Variants in PCBP2 observed in about 807,000 individuals in gnomAD.
PCBP2 encodes poly(rC)-binding protein 2.
Under a neutral mutation model 50.1 loss-of-function variants are expected in PCBP2, and 4 were observed. The observed-to-expected ratio is 0.08, with a 90% CI of 0.04 to 0.18. The LOEUF (loss-of-function observed/expected upper bound fraction) is 0.18. PCBP2 is among the 10% of genes least tolerant of loss of function. The pLI is 1.00. For missense variants in PCBP2, 161 were observed against 474.3 expected, an observed-to-expected ratio of 0.34 and a Z score of 6.14; for synonymous variants, 179 against 168.0, an observed-to-expected ratio of 1.07 and a Z score of -0.51.
intron 13 of PCBP2, among the ~76,000 whole-genome samples, chr12:53,469,264 A>G (rs1007945244): frequency 2.0e-5 from 3 of 151,908 alleles, no homozygotes; most frequent in Non-Finnish European, 2.9e-5. Flanking sequence ...TTTTATCTTT[A>G]TTTTTGTTTT....
At chr12:53,458,930 G>A (rs1189113291) in intron 5 of PCBP2, among the ~76,000 whole-genome samples, 3 of 152,116 alleles carry the variant, frequency 2.0e-5, no homozygotes, top group South Asian at 2.1e-4. Flanking sequence ...TTGAGCTACC[G>A]TGCCTGGCAG....
chr12:53,473,982 C>T (rs897316010), intron 14 of PCBP2, among the ~76,000 whole-genome samples: 1 of 152,066 alleles, frequency 6.6e-6, no homozygotes, highest in Admixed American at 6.5e-5. Context: ...GAAGACTTAG[C>T]GTTGTGGGCT....
At chr12:53,472,204 G>A (rs1942292724) in intron 14 of PCBP2, among the ~76,000 whole-genome samples, 2 of 152,118 alleles carry the variant, frequency 1.3e-5, no homozygotes, top group African/African-American at 4.8e-5. Context: ...TTGTAATAAG[G>A]ACATTGGAGT....
intron 12 of PCBP2, 107 bp downstream of exon 12, chr12:53,467,950 C>G: frequency 2.2e-6 from 2 of 905,682 alleles, no homozygotes; most frequent in South Asian, 2.7e-5. Context: ...ATGCACATGG[C>G]AGAGAGGAGC....
chr12:53,468,913 T>TGAA, intron 13 of PCBP2, 81 bp downstream of exon 13: 2 of 799,710 alleles, frequency 2.5e-6, no homozygotes, highest in Non-Finnish European at 3.7e-6. Flanking sequence ...AGTGTCCTGC[T>TGAA]ACCCTTTTTT....
chr12:53,470,398 A>AT (rs1942133163), intron 13 of PCBP2, among the ~76,000 whole-genome samples: 2 of 139,656 alleles, frequency 1.4e-5, no homozygotes, highest in East Asian at 4.0e-4. Flanking sequence ...AAAAAAAAAA[A>AT]AAAAGTGTAG....
At chr12:53,468,104 G>T in intron 12 of PCBP2, 1 of 438,378 alleles carries the variant, frequency 2.3e-6, no homozygotes, top group Non-Finnish European at 4.0e-6. Flanking sequence ...GTTCAGTCCA[G>T]GTGTTGTTAA....
Position 53,480,625 on chromosome 12 carries a change from T to C in PCBP2, c.*1183T>C, listed in dbSNP as rs1942986808. On this transcript the variant is annotated 3_prime_UTR_variant, in exon 15 of 15. Coordinates refer to ENST00000546463, the MANE Select transcript of PCBP2 (RefSeq NM_031989.5). ...CGGTTCTTCAGCCTGAGCCATCACA[T>C]GCTATCAGTCTCCTAACCTCCCCCT... 1 of 152,524 alleles carries C rather than the reference T, an allele frequency of 6.6e-6. No homozygotes were observed. The highest frequency in any genetic ancestry group is 1.5e-5 in the Non-Finnish European group (1 of 68,054). The allele number at this position is 152,524 out of a possible 1,614,324, so 9.4% of individuals were successfully genotyped here.
chr12:53,456,606 C>G (rs1023473483), intron 5 of PCBP2, among the ~76,000 whole-genome samples: 7 of 152,146 alleles, frequency 4.6e-5, no homozygotes, highest in African/African-American at 1.2e-4. Context: ...TATGGTTTAC[C>G]TGACGTTATA....
At chr12:53,473,556 G>A (rs1217052360) in intron 14 of PCBP2, among the ~76,000 whole-genome samples, 2 of 152,180 alleles carry the variant, frequency 1.3e-5, no homozygotes, top group Admixed American at 6.5e-5. Context: ...TCCTGCAATA[G>A]GTCAGTGGCT....
In PCBP2 at chr12:53,458,094, A is replaced by G. The variant is rs1941171370; in HGVS notation, c.244-1178A>G. Among the ~76,000 whole-genome samples the G allele has an allele frequency of 2.0e-5, 3 of 149,864 alleles. No homozygotes were observed. In the South Asian group the frequency reaches 6.4e-4, roughly 32 times the overall value. ...TAGGCGCCTACCACCATGCCTGGCT[A>G]ATTTTTGTATTTTTAGTAGAGACGG... On this transcript the variant is annotated intron_variant, in intron 5 of 14. Transcript: ENST00000546463.
intron 10 of PCBP2, among the ~76,000 whole-genome samples, chr12:53,466,470 C>G (rs1338456606): frequency 6.6e-6 from 1 of 152,184 alleles, no homozygotes; most frequent in Non-Finnish European, 1.5e-5. Context: ...CAGAATTCAA[C>G]TCAAACCTTT....
At chr12:53,455,684 A>G (rs535655791) in intron 4 of PCBP2, among the ~76,000 whole-genome samples, 191 bp downstream of exon 4, 1 of 152,154 alleles carries the variant, frequency 6.6e-6, no homozygotes, top group South Asian at 2.1e-4. Flanking sequence ...TGGTTTTGAC[A>G]AGTCAGAATT....
chr12:53,467,987 G>C, intron 12 of PCBP2, 144 bp downstream of exon 12: 1 of 675,724 alleles, frequency 1.5e-6, no homozygotes, highest in Non-Finnish European at 2.6e-6. Flanking sequence ...TGGGCCTGGA[G>C]CCCCCGAGGG....
chr12:53,471,451 G>A (rs1377535009), intron 13 of PCBP2, among the ~76,000 whole-genome samples, 187 bp from the exon 14 acceptor site: 5 of 151,698 alleles, frequency 3.3e-5, no homozygotes, highest in African/African-American at 9.7e-5. Context: ...GGTGGCATGC[G>A]CCTGTAGTCC....
At position 53,480,320 on chromosome 12, in the gene PCBP2, T is replaced by A. The variant is rs1942968561; in HGVS notation, c.*878T>A. ...GGATGTATCTGCTACCATTTATTCC[T>A]ATAATTTTAGAAAGTTGGGGCTTGA... On this transcript the variant is annotated 3_prime_UTR_variant, in exon 15 of 15. Coordinates refer to ENST00000546463, the MANE Select transcript of PCBP2 (RefSeq NM_031989.5). The A allele has an allele frequency of 1.3e-5, 2 of 152,262 alleles. No homozygotes were observed. The highest frequency in any genetic ancestry group is 3.8e-4 in the East Asian group (2 of 5,196). 9.4% of individuals were successfully genotyped at this position (152,262 alleles called of 1,614,324 possible). A position where few individuals can be genotyped will look rare whatever the true frequency, so the allele number is the denominator to read the frequency against.
intron 13 of PCBP2, 122 bp from the exon 14 acceptor site, chr12:53,471,516 A>T: frequency 1.1e-6 from 1 of 904,356 alleles, no homozygotes; most frequent in Non-Finnish European, 1.6e-6. Flanking sequence ...ACAGTGAGCC[A>T]AGATCAGGCC....
chr12:53,480,661 ACAGGG>A lies in PCBP2; in HGVS notation c.*1221_*1225del, dbSNP rs1351978146. On this transcript the variant is annotated 3_prime_UTR_variant, in exon 15 of 15. Transcript: ENST00000546463. ...TCCTAACCTCCCCCTGGGCCTTAAG[ACAGGG>A]CTTGGGCAGAGAAGATAAATGGTGG... The A allele has an allele frequency of 6.6e-6, 1 of 152,544 alleles. No homozygotes were observed. Among genetic ancestry groups the A allele is most frequent in the Non-Finnish European group, 1.5e-5 (1 of 68,050 alleles). 9.4% of individuals were successfully genotyped at this position (152,544 alleles called of 1,614,324 possible). A position where few individuals can be genotyped will look rare whatever the true frequency, so the allele number is the denominator to read the frequency against.
At chr12:53,464,231 A>C (rs1383075362) in intron 8 of PCBP2, among the ~76,000 whole-genome samples, 4 of 151,818 alleles carry the variant, frequency 2.6e-5, no homozygotes, top group Non-Finnish European at 5.9e-5. Flanking sequence ...AATCCTCTGT[A>C]CTTAAAATTC....
Sources: allele counts gnomAD v4.1 joint callset (sites outside exome capture counted in the v4.1 genomes callset), GRCh38; gene constraint gnomAD v4.1.1; transcripts MANE v1.5; gene names NCBI Gene and HGNC (gene_info 2026-07-23, HGNC 2026-07-21).